The following LINGO2 variants were observed in gnomAD, a reference collection of about 807,000 sequenced individuals.
The protein encoded by LINGO2 is leucine-rich repeat and immunoglobulin-like domain-containing nogo receptor-interacting protein 2.
A neutral mutation model predicts 30.6 loss-of-function variants in LINGO2; 14 were observed. That is an observed-to-expected ratio of 0.46 (90% CI 0.30 to 0.72). The LOEUF is 0.72. Ranked by LOEUF, LINGO2 falls within the 30% of genes least tolerant of loss-of-function variation. The probability of loss-of-function intolerance (pLI) is 0.07; values close to 1 mark genes in which losing one functional copy is unlikely to be tolerated. For synonymous variants in LINGO2, 317 were observed against 288.5 expected (o/e 1.10, Z -1.00); for missense variants, 729 against 751.7 (o/e 0.97, Z 0.35).
At chr9:28,885,442 T>C in the LINGO2 span, among the ~76,000 whole-genome samples, 6 of 125,198 alleles carry the variant, frequency 4.8e-5, no homozygotes, top group East Asian at 4.5e-4. Context: ...TACATATATA[T>C]ACACACATAT....
intron 3 of LINGO2, among the ~76,000 whole-genome samples, chr9:28,325,460 C>T (rs1825194186): frequency 6.6e-6 from 1 of 152,056 alleles, no homozygotes; most frequent in South Asian, 2.1e-4. Context: ...TGTGTACCCA[C>T]CCAAATCTCA....
At chr9:28,341,874 A>G (rs1244730428) in intron 3 of LINGO2, among the ~76,000 whole-genome samples, 2 of 152,106 alleles carry the variant, frequency 1.3e-5, no homozygotes, top group African/African-American at 4.8e-5. Flanking sequence ...CCCACAATGC[A>G]TTGTTTAAGT....
At chr9:28,842,523 G>A in the LINGO2 span, among the ~76,000 whole-genome samples, 1 of 151,832 alleles carries the variant, frequency 6.6e-6, no homozygotes, top group African/African-American at 2.4e-5. Flanking sequence ...TAAAGTCAAG[G>A]AGAAATAATG....
At chr9:27,949,010 T>C (rs753913914) in exon 6 of LINGO2, 5 of 1,613,914 alleles carry the variant, frequency 3.1e-6, no homozygotes, top group African/African-American at 1.3e-5. Context: ...ATAAAACCAC[T>C]CCCAGGAATG....
In LINGO2 at chr9:28,638,656, G is replaced by A. The variant is rs192751666; in HGVS notation, c.-365+31544C>T. On this transcript the variant is annotated intron_variant, in intron 1 of 5. Coordinates refer to ENST00000379992, the Ensembl canonical transcript of LINGO2. ...TGGTAGTTTGTATTTCTGTGGGATC[G>A]GCGGTGATATCCCCTTTATCATTTC... 1.4e-4 allele frequency among the ~76,000 whole-genome samples: 22 copies of A among 152,102 alleles called. No homozygotes were observed. The East Asian group carries it at 2.5e-3, about 17-fold the overall frequency.
intron 1 of LINGO2, among the ~76,000 whole-genome samples, chr9:28,625,111 C>G (rs1436747404): frequency 6.6e-6 from 1 of 152,012 alleles, no homozygotes; most frequent in African/African-American, 2.4e-5. Context: ...GACCCCAGAG[C>G]CCTTTAGCTT....
intron 1 of LINGO2, among the ~76,000 whole-genome samples, chr9:28,629,545 T>A (rs1041522943): frequency 4.6e-5 from 7 of 152,084 alleles, no homozygotes; most frequent in Non-Finnish European, 1.0e-4. Flanking sequence ...ACACTTTTTA[T>A]GTTATTTTCA....
the LINGO2 span, among the ~76,000 whole-genome samples, chr9:28,944,385 T>C: frequency 6.6e-6 from 1 of 152,144 alleles, no homozygotes; most frequent in African/African-American, 2.4e-5. Flanking sequence ...TCTATCTACA[T>C]ACCTAAAATG....
chr9:28,752,050 C>T, the LINGO2 span, among the ~76,000 whole-genome samples: 10 of 151,888 alleles, frequency 6.6e-5, no homozygotes, highest in Non-Finnish European at 1.2e-4. Context: ...AATTAATGCA[C>T]GTTGGAGTAT....
chr9:29,154,709 AT>A, the LINGO2 span, among the ~76,000 whole-genome samples: 1 of 152,222 alleles, frequency 6.6e-6, no homozygotes, highest in African/African-American at 2.4e-5. Context: ...GTGCTATGGA[AT>A]CCAGGTACCA....
At chr9:28,840,502 A>G in the LINGO2 span, among the ~76,000 whole-genome samples, 6 of 151,748 alleles carry the variant, frequency 4.0e-5, no homozygotes, top group Non-Finnish European at 7.4e-5. Flanking sequence ...CACTGACTTC[A>G]TTGCTTCTAC....
At chr9:28,429,699 C>T (rs1304356178) in intron 2 of LINGO2, among the ~76,000 whole-genome samples, 1 of 152,152 alleles carries the variant, frequency 6.6e-6, no homozygotes, top group Non-Finnish European at 1.5e-5. Flanking sequence ...AAACTAATTA[C>T]CATACTCATC....
chr9:28,887,775 C>T, the LINGO2 span, among the ~76,000 whole-genome samples: 7 of 152,202 alleles, frequency 4.6e-5, no homozygotes, highest in East Asian at 1.9e-4. Flanking sequence ...CAGTGATTGA[C>T]GATACTTCTG....
intron 4 of LINGO2, among the ~76,000 whole-genome samples, chr9:28,100,408 A>AGAT (rs764822475): frequency 3.9e-5 from 6 of 152,190 alleles, no homozygotes; most frequent in Admixed American, 2.6e-4. Flanking sequence ...GGGCTTAAAT[A>AGAT]GATAAATCAG....
intron 4 of LINGO2, among the ~76,000 whole-genome samples, chr9:28,221,148 A>C (rs1820946570): frequency 6.6e-6 from 1 of 151,884 alleles, no homozygotes; most frequent in Admixed American, 6.6e-5. Flanking sequence ...AAATAGAAAA[A>C]ATTAGCCGGG....
the LINGO2 span, among the ~76,000 whole-genome samples, chr9:29,036,037 A>C: frequency 6.6e-6 from 1 of 152,120 alleles, no homozygotes; most frequent in Non-Finnish European, 1.5e-5. Context: ...TGGTGGGGAT[A>C]GTTTACCTCA....
intron 4 of LINGO2, among the ~76,000 whole-genome samples, chr9:28,086,497 C>T (rs1412466890): frequency 6.6e-6 from 1 of 152,006 alleles, no homozygotes; most frequent in Non-Finnish European, 1.5e-5. Context: ...TATTTCTGGG[C>T]ATATCCATGT....
the LINGO2 span, among the ~76,000 whole-genome samples, chr9:28,676,158 A>T: frequency 6.6e-6 from 1 of 151,360 alleles, no homozygotes; most frequent in Non-Finnish European, 1.5e-5. Context: ...TAATTATAAT[A>T]TAATAAAATA....
At chr9:28,956,209 A>G in the LINGO2 span, among the ~76,000 whole-genome samples, 2 of 152,066 alleles carry the variant, frequency 1.3e-5, 1 homozygote, top group South Asian at 4.1e-4. Context: ...TTATGAAGAC[A>G]AAGGCAACTT....
Sources: gnomAD v4.1 joint callset for allele counts (sites outside exome capture counted in the v4.1 genomes callset) on GRCh38, gnomAD v4.1.1 for gene constraint, MANE v1.5 for transcripts, NCBI Gene and HGNC (gene_info 2026-07-23, HGNC 2026-07-21) for gene names.